TMPRSS11E: variants seen among roughly 807,000 people sequenced by gnomAD.
The protein encoded by TMPRSS11E is transmembrane protease serine 11E.
TMPRSS11E carries 38 observed loss-of-function variants against 48.1 expected under a neutral mutation model. The ratio of observed to expected loss-of-function variants is 0.79; its 90% CI spans 0.61 to 1.04. The LOEUF (loss-of-function observed/expected upper bound fraction) is 1.04, where lower values mean the gene tolerates loss of function less well. Among genes scored for constraint, TMPRSS11E ranks in the 50% least tolerant of loss-of-function variants. The pLI is 0.00. For synonymous variants in TMPRSS11E, 158 were observed against 171.9 expected, an observed-to-expected ratio of 0.92 and a Z score of 0.63; for missense variants, 530 against 510.8, an observed-to-expected ratio of 1.04 and a Z score of -0.36.
intron 1 of TMPRSS11E, among the ~76,000 whole-genome samples, chr4:68,455,091 T>A (rs1220538502): frequency 3.9e-5 from 6 of 151,928 alleles, no homozygotes; most frequent in African/African-American, 1.4e-4. Context: ...TAGTAAAGTA[T>A]GATTTTCAAA....
At chr4:68,494,451 A>G (rs935130400) in intron 9 of TMPRSS11E, among the ~76,000 whole-genome samples, 14 of 152,100 alleles carry the variant, frequency 9.2e-5, no homozygotes, top group African/African-American at 3.4e-4. Flanking sequence ...CCACTTTACC[A>G]TATCTTTTAT....
chr4:68,447,565 CTT>C (rs1354603968), intron 1 of TMPRSS11E, 42 bp downstream of exon 1: 1 of 1,591,318 alleles, frequency 6.3e-7, no homozygotes, highest in African/African-American at 1.4e-5. Flanking sequence ...CTTAAGGTAA[CTT>C]TTAGTTTAAA....
chr4:68,462,746 C>A (rs1365266386), intron 2 of TMPRSS11E, among the ~76,000 whole-genome samples: 2 of 152,122 alleles, frequency 1.3e-5, no homozygotes, highest in African/African-American at 4.8e-5. Flanking sequence ...TTATTAAAAT[C>A]TCATCTTAGG....
At chr4:68,490,471 C>CTCATT (rs1449361871) in intron 9 of TMPRSS11E, among the ~76,000 whole-genome samples, 1 of 152,100 alleles carries the variant, frequency 6.6e-6, no homozygotes, top group Non-Finnish European at 1.5e-5. Flanking sequence ...AAGGAATTGC[C>CTCATT]TCATTTCCCA....
rs986120373 is a variant in TMPRSS11E at position 68,459,207 on chromosome 4, T to G, written c.12-2614T>G. Among the ~76,000 whole-genome samples, 6 of 152,244 alleles carry G rather than the reference T, an allele frequency of 3.9e-5. No homozygotes were observed. In the East Asian group the frequency reaches 7.7e-4, roughly 20 times the overall value. ...CAGGAGAGCATGTCACTAAAATAGT[T>G]GTGAGTAATGTGGAAAGGTGGGGGT... On this transcript the variant is annotated intron_variant, in intron 1 of 9. Transcript: ENST00000305363.
In TMPRSS11E at chr4:68,476,409, GC is replaced by G. The variant is rs1252778073; in HGVS notation, c.679del (p.Val228Ter). On this transcript the variant is annotated frameshift_variant, in exon 7 of 10. Coordinates refer to ENST00000305363, the MANE Select transcript of TMPRSS11E (RefSeq NM_014058.4). LOFTEE classifies it high-confidence loss of function. Reference sequence around the variant, plus strand: ...GAGCAACCTTAATTAATGCCACATGGCTTGTGAGTGCTGCTCACTGTTTTAC... The same window carrying G: ...GAGCAACCTTAATTAATGCCACATGGTTGTGAGTGCTGCTCACTGTTTTAC... ...CGATLINATW[L>X]VSAAHCFTTY... 1 of 1,613,474 alleles carries G rather than the reference GC, an allele frequency of 6.2e-7. No individual in the cohort carries two copies. The highest frequency in any genetic ancestry group is 8.5e-7 in the Non-Finnish European group (1 of 1,179,566).
chr4:68,451,737 A>T (rs977790854), intron 1 of TMPRSS11E, among the ~76,000 whole-genome samples: 1 of 151,928 alleles, frequency 6.6e-6, no homozygotes, highest in Non-Finnish European at 1.5e-5. Context: ...TTTAAACTTT[A>T]TATCAACCTA....
chr4:68,471,213 A>T (rs1299296898), intron 4 of TMPRSS11E, among the ~76,000 whole-genome samples: 1 of 151,078 alleles, frequency 6.6e-6, no homozygotes, highest in African/African-American at 2.4e-5. Context: ...TTGTGATATT[A>T]CCCTTCTTTC....
At chr4:68,478,599 T>C (rs2109701130) in intron 8 of TMPRSS11E, among the ~76,000 whole-genome samples, 1 of 150,918 alleles carries the variant, frequency 6.6e-6, no homozygotes, top group East Asian at 2.0e-4. Flanking sequence ...GGATTACAGG[T>C]GCATGCCACC....
At chr4:68,473,690 C>T (rs964741102) in intron 5 of TMPRSS11E, among the ~76,000 whole-genome samples, 1 of 152,074 alleles carries the variant, frequency 6.6e-6, no homozygotes, top group Non-Finnish European at 1.5e-5. Context: ...AGACCCAGTG[C>T]AGATGTATAA....
chr4:68,476,430 T>G lies in TMPRSS11E; in HGVS notation c.699T>G (p.Cys233Trp). The G allele has an allele frequency of 6.2e-7, 1 of 1,608,874 alleles. No individual in the cohort carries two copies. Among genetic ancestry groups the G allele is most frequent in the Non-Finnish European group, 8.5e-7 (1 of 1,176,690 alleles). Residue 233 changes from cysteine to tryptophan, a missense_variant, in exon 7 of 10, where the codon TGT becomes TGG. Coordinates refer to ENST00000305363, the MANE Select transcript of TMPRSS11E (RefSeq NM_014058.4). ...CATGGCTTGTGAGTGCTGCTCACTG[T>G]TTTACAACGTAAGTCTTGAAGCTTG... The part of the protein sequence containing the change: ...NATWLVSAAH[C>W]FTTYKNPARW...
chr4:68,490,560 T>C (rs948282206), intron 9 of TMPRSS11E, among the ~76,000 whole-genome samples: 1 of 151,876 alleles, frequency 6.6e-6, no homozygotes, highest in African/African-American at 2.4e-5. Context: ...CTGATAACAC[T>C]CTGGCTGAAG....
Position 68,457,607 on chromosome 4 carries a change from T to C in TMPRSS11E, c.12-4214T>C, listed in dbSNP as rs192676865. Among the ~76,000 whole-genome samples, 49 of 152,270 alleles carry C rather than the reference T, an allele frequency of 3.2e-4. 1 individual carries two copies. The highest frequency in any genetic ancestry group is 3.0e-3 in the Admixed American group (46 of 15,282). On this transcript the variant is annotated intron_variant, in intron 1 of 9. Transcript: ENST00000305363. Reference sequence around the variant, plus strand: ...AAAGACACATGCACACGTATGTTTATTGCGGCACTGTTCACAATAGCAAAG... The same window carrying C: ...AAAGACACATGCACACGTATGTTTACTGCGGCACTGTTCACAATAGCAAAG...
At chr4:68,459,584 T>G (rs1728732380) in intron 1 of TMPRSS11E, among the ~76,000 whole-genome samples, 1 of 152,196 alleles carries the variant, frequency 6.6e-6, no homozygotes, top group Non-Finnish European at 1.5e-5. Flanking sequence ...AAATTGAAAC[T>G]TATCATTAAC....
intron 9 of TMPRSS11E, among the ~76,000 whole-genome samples, chr4:68,492,432 T>C (rs1324685130): frequency 6.6e-6 from 1 of 152,218 alleles, no homozygotes; most frequent in African/African-American, 2.4e-5. Context: ...TCTCATTCTG[T>C]AAACAAGTGT....
At chr4:68,482,322 T>C (rs1464050325) in intron 9 of TMPRSS11E, among the ~76,000 whole-genome samples, 1 of 152,062 alleles carries the variant, frequency 6.6e-6, no homozygotes, top group Non-Finnish European at 1.5e-5. Flanking sequence ...AACATGAGAT[T>C]TGGGCAGGGA....
intron 9 of TMPRSS11E, among the ~76,000 whole-genome samples, chr4:68,488,048 C>A (rs545203133): frequency 8.6e-5 from 13 of 151,916 alleles, no homozygotes; most frequent in African/African-American, 3.1e-4. Flanking sequence ...CTGATATCAC[C>A]CCCTTTGTAT....
intron 9 of TMPRSS11E, among the ~76,000 whole-genome samples, chr4:68,480,100 G>A (rs1304742825): frequency 6.6e-6 from 1 of 152,010 alleles, no homozygotes; most frequent in Non-Finnish European, 1.5e-5. Flanking sequence ...TATGTATCTT[G>A]GCATGGATTT....
At position 68,476,242 on chromosome 4, in the gene TMPRSS11E, C is replaced by T; in HGVS notation, c.530-19C>T. ...TAATTAATGCACCCACCAATGCACC[C>T]CCCCTCTCTCTTTTGCAGGCTGCGG... On this transcript the variant is annotated intron_variant, in intron 6 of 9. Transcript: ENST00000305363. 1 of 1,613,362 alleles carries T rather than the reference C, an allele frequency of 6.2e-7. No individual in the cohort carries two copies. The highest frequency in any genetic ancestry group is 8.5e-7 in the Non-Finnish European group (1 of 1,179,904).
Sources: gnomAD v4.1 joint callset for allele counts (sites outside exome capture counted in the v4.1 genomes callset) on GRCh38, gnomAD v4.1.1 for gene constraint, MANE v1.5 for transcripts, NCBI Gene and HGNC (gene_info 2026-07-23, HGNC 2026-07-21) for gene names.